The following SHISA6 variants were observed in gnomAD, a reference collection of about 807,000 sequenced individuals.
SHISA6 encodes the protein shisa family member 6.
Under a neutral mutation model 47.9 loss-of-function variants are expected in SHISA6, and 22 were observed. That is an observed-to-expected ratio of 0.46 (90% CI 0.33 to 0.66). The LOEUF (loss-of-function observed/expected upper bound fraction) is 0.66. SHISA6 is among the 30% of genes least tolerant of loss of function. The pLI is 0.02. For missense variants in SHISA6, 680 were observed against 764.6 expected (o/e 0.89, Z 1.30); for synonymous variants, 388 against 337.8 (o/e 1.15, Z -1.63).
intron 3 of SHISA6, among the ~76,000 whole-genome samples, chr17:11,479,058 T>A (rs540905107): frequency 2.0e-5 from 3 of 152,134 alleles, no homozygotes; most frequent in Non-Finnish European, 4.4e-5. Flanking sequence ...CCATCCCCAG[T>A]TAAACTACTT....
At chr17:11,432,121 A>G (rs1401763434) in intron 3 of SHISA6, among the ~76,000 whole-genome samples, 1 of 152,228 alleles carries the variant, frequency 6.6e-6, no homozygotes, top group Non-Finnish European at 1.5e-5. Context: ...AAGTTGAGAG[A>G]TCAGAGAAGA....
intron 2 of SHISA6, among the ~76,000 whole-genome samples, chr17:11,297,525 G>A (rs1434309127): frequency 6.6e-6 from 1 of 152,094 alleles, no homozygotes; most frequent in Non-Finnish European, 1.5e-5. Flanking sequence ...ATGGAAGCGA[G>A]GGCAACAAAG....
chr17:11,306,784 G>C lies in SHISA6; in HGVS notation c.799+43258G>C, dbSNP rs114617504. ...CTGTCAGTTCCATGTTCCAGCAACT[G>C]CACTTAGTATTCTTTCCTAGACATC... On this transcript the variant is annotated intron_variant, in intron 2 of 5. Coordinates refer to ENST00000441885, the MANE Select transcript of SHISA6 (RefSeq NM_207386.4). Among the ~76,000 whole-genome samples, 1,033 of 152,232 alleles carry C rather than the reference G, an allele frequency of 6.8e-3. 7 individuals are homozygous for C. Among genetic ancestry groups the C allele is most frequent in the African/African-American group, 0.024 (979 of 41,544 alleles).
intron 2 of SHISA6, among the ~76,000 whole-genome samples, chr17:11,316,911 A>G (rs1184561053): frequency 6.6e-6 from 1 of 152,198 alleles, no homozygotes; most frequent in Non-Finnish European, 1.5e-5. Flanking sequence ...CATAAAAATT[A>G]CTTGGAAGAG....
chr17:11,256,767 A>G (rs1475005042), intron 1 of SHISA6, among the ~76,000 whole-genome samples: 1 of 152,182 alleles, frequency 6.6e-6, no homozygotes, highest in African/African-American at 2.4e-5. Flanking sequence ...CACATTTCTC[A>G]GGCCTGGGGG....
Position 11,422,795 on chromosome 17 carries a change from G to A in SHISA6, c.895+43286G>A, listed in dbSNP as rs547820102. The stretch of plus-strand genomic sequence containing the variant: ...AAAAAAAAAAAGTACATCCAGGCCA[G>A]GAGATCTTCACAGACTTCACAGAGA... On this transcript the variant is annotated intron_variant, in intron 3 of 5. Transcript: ENST00000441885. 4.6e-5 allele frequency among the ~76,000 whole-genome samples: 7 copies of A among 151,134 alleles called. No homozygotes were observed. In the East Asian group the frequency reaches 9.8e-4, roughly 21 times the overall value.
intron 2 of SHISA6, among the ~76,000 whole-genome samples, chr17:11,361,722 G>GT (rs1392183749): frequency 6.6e-6 from 1 of 152,166 alleles, no homozygotes; most frequent in African/African-American, 2.4e-5. Context: ...GTGAATATGG[G>GT]TATTTGTTAA....
intron 3 of SHISA6, among the ~76,000 whole-genome samples, chr17:11,509,551 CA>C (rs1436923848): frequency 6.6e-6 from 1 of 152,176 alleles, no homozygotes; most frequent in African/African-American, 2.4e-5. Context: ...ACTGGATACT[CA>C]CAGATATACT....
At chr17:11,347,229 C>G (rs1020372747) in intron 2 of SHISA6, among the ~76,000 whole-genome samples, 1 of 151,838 alleles carries the variant, frequency 6.6e-6, no homozygotes, top group African/African-American at 2.4e-5. Flanking sequence ...AAGCCTGAGC[C>G]TAGAAGGATA....
chr17:11,380,990 A>G (rs1422766944), intron 3 of SHISA6, among the ~76,000 whole-genome samples: 1 of 152,150 alleles, frequency 6.6e-6, no homozygotes, highest in Non-Finnish European at 1.5e-5. Context: ...TTGATGACCA[A>G]TCCTATCAGT....
At chr17:11,503,416 G>C (rs937688514) in intron 3 of SHISA6, among the ~76,000 whole-genome samples, 1 of 152,156 alleles carries the variant, frequency 6.6e-6, no homozygotes, top group African/African-American at 2.4e-5. Context: ...GGGTGGGGCT[G>C]AGGGTCTGGA....
intron 3 of SHISA6, among the ~76,000 whole-genome samples, chr17:11,447,962 G>A (rs1022660230): frequency 1.3e-5 from 2 of 152,122 alleles, no homozygotes; most frequent in African/African-American, 2.4e-5. Context: ...GGAGTTCCTC[G>A]CCGCCAACTG....
intron 5 of SHISA6, 127 bp downstream of exon 5, chr17:11,556,019 G>C (rs2071975841): frequency 8.2e-7 from 1 of 1,212,666 alleles, no homozygotes; most frequent in East Asian, 2.8e-5. Context: ...AGGAGTTGCA[G>C]GATGAGAGAA....
chr17:11,328,505 C>CT (rs1910987939), intron 2 of SHISA6, among the ~76,000 whole-genome samples: 2 of 152,146 alleles, frequency 1.3e-5, no homozygotes, highest in South Asian at 4.1e-4. Flanking sequence ...TCTTCCAGGG[C>CT]TTTCTTGAGA....
intron 3 of SHISA6, among the ~76,000 whole-genome samples, chr17:11,423,399 CAAGT>C (rs1914516493): frequency 1.3e-5 from 2 of 151,456 alleles, no homozygotes; most frequent in African/African-American, 2.4e-5. Context: ...AAGGCAGTGA[CAAGT>C]AAGAGCTCTC....
At chr17:11,247,706 A>G (rs565103169) in intron 1 of SHISA6, among the ~76,000 whole-genome samples, 1 of 148,984 alleles carries the variant, frequency 6.7e-6, no homozygotes, top group South Asian at 2.1e-4. Context: ...TCTTTTCTTT[A>G]CCTTGGGAAA....
At chr17:11,398,202 T>C (rs1913638700) in intron 3 of SHISA6, among the ~76,000 whole-genome samples, 1 of 152,204 alleles carries the variant, frequency 6.6e-6, no homozygotes, top group Non-Finnish European at 1.5e-5. Context: ...GATTAGTATA[T>C]GTTTATTCAT....
intron 3 of SHISA6, among the ~76,000 whole-genome samples, chr17:11,426,024 A>G (rs1305887021): frequency 3.9e-5 from 6 of 152,184 alleles, no homozygotes. Context: ...CACCTCAACC[A>G]TATAAGCTAA....
intron 2 of SHISA6, among the ~76,000 whole-genome samples, chr17:11,327,158 A>C (rs1910925405): frequency 6.6e-6 from 1 of 152,222 alleles, no homozygotes; most frequent in Non-Finnish European, 1.5e-5. Context: ...TTTATGGTGC[A>C]GAGTCAGAGA....
Sources: allele counts gnomAD v4.1 joint callset (sites outside exome capture counted in the v4.1 genomes callset), GRCh38; gene constraint gnomAD v4.1.1; transcripts MANE v1.5; gene names NCBI Gene and HGNC (gene_info 2026-07-23, HGNC 2026-07-21).